Variants in TMEM131 observed in about 807,000 individuals in gnomAD.
The protein encoded by TMEM131 is transmembrane protein 131.
A neutral mutation model predicts 211.6 loss-of-function variants in TMEM131; 66 were observed. That is an observed-to-expected ratio of 0.31 (90% confidence interval 0.26 to 0.38). The LOEUF (loss-of-function observed/expected upper bound fraction) is 0.38, where lower values mean the gene tolerates loss of function less well. TMEM131 is among the 10% of genes least tolerant of loss of function. TMEM131 has a pLI of 1.00. For missense variants in TMEM131, 2,036 were observed against 2,299.3 expected (o/e 0.89, Z 2.34); for synonymous variants, 844 against 841.3 (o/e 1.00, Z -0.06).
Position 97,756,544 on chromosome 2 carries a change from G to A in TMEM131, c.*555C>T, listed in dbSNP as rs924723932. ...CTGAATGTTTTTACATTCATTCACC[G>A]TTCTTAAGTTGACTTACATTTCTGT... On this transcript the variant is annotated 3_prime_UTR_variant, in exon 41 of 41. Transcript: ENST00000186436. 5.3e-5 allele frequency: 8 copies of A among 152,196 alleles called. No homozygotes were observed. The highest frequency in any genetic ancestry group is 2.1e-4 in the South Asian group (1 of 4,832). The allele number at this position is 152,196 out of a possible 1,614,324, so 9.4% of individuals were successfully genotyped here. A position where few individuals can be genotyped will look rare whatever the true frequency, so the allele number is the denominator to read the frequency against.
chr2:97,929,173 A>G (rs1295663792), intron 1 of TMEM131, among the ~76,000 whole-genome samples: 5 of 151,676 alleles, frequency 3.3e-5, no homozygotes, highest in Non-Finnish European at 7.4e-5. Context: ...CGGAAAGTAA[A>G]AAATAGAGAA....
At position 97,908,638 on chromosome 2, in the gene TMEM131, A is replaced by C. The variant is rs371677378; in HGVS notation, c.290+20T>G. ...AGAAGGAACCGAAAGTATGTTAATTATCTTATTAAATATACTTACCTTTTC... is the reference window on the plus strand; with the variant it reads ...AGAAGGAACCGAAAGTATGTTAATTCTCTTATTAAATATACTTACCTTTTC... On this transcript the variant is annotated intron_variant, in intron 3 of 40. Coordinates refer to ENST00000186436, the MANE Select transcript of TMEM131 (RefSeq NM_015348.2). 1 of 1,577,672 alleles carries C rather than the reference A, an allele frequency of 6.3e-7. No individual in the cohort carries two copies. The highest frequency in any genetic ancestry group is 2.2e-5 in the East Asian group (1 of 44,460).
At chr2:97,855,463 G>T (rs1673802805) in intron 5 of TMEM131, among the ~76,000 whole-genome samples, 1 of 152,190 alleles carries the variant, frequency 6.6e-6, no homozygotes, top group African/African-American at 2.4e-5. Context: ...ACTTTGGGAG[G>T]CTGAGGCAGG....
intron 24 of TMEM131, 113 bp from the exon 25 acceptor site, chr2:97,802,074 G>A: frequency 1.5e-6 from 1 of 659,914 alleles, no homozygotes; most frequent in Non-Finnish European, 2.5e-6. Flanking sequence ...GTCAGGTTTT[G>A]AGATCAATAT....
At chr2:97,812,795 C>A in intron 15 of TMEM131, 46 bp from the exon 16 acceptor site, 1 of 1,050,554 alleles carries the variant, frequency 9.5e-7, no homozygotes, top group Non-Finnish European at 1.4e-6. Flanking sequence ...TCACATTGAT[C>A]TAACAATATT....
chr2:97,765,988 GCTCTTAGCTGGCAAAGCA>G, intron 35 of TMEM131, 108 bp downstream of exon 35: 5 of 1,214,572 alleles, frequency 4.1e-6, no homozygotes, highest in Non-Finnish European at 5.7e-6. Context: ...TTAACAATGG[GCTCTTAGCTGGCAAAGCA>G]CTGTCAATGG....
At chr2:97,822,107 A>T (rs1682152188) in intron 11 of TMEM131, among the ~76,000 whole-genome samples, 1 of 152,072 alleles carries the variant, frequency 6.6e-6, no homozygotes, top group Non-Finnish European at 1.5e-5. Flanking sequence ...TTCTCCAAGG[A>T]TAGTTCCGCT....
At position 97,841,816 on chromosome 2, in the gene TMEM131, T is replaced by A. The variant is rs1352387855; in HGVS notation, c.722A>T (p.Gln241Leu). The A allele has an allele frequency of 5.7e-6, 9 of 1,586,530 alleles. No homozygotes were observed. Among genetic ancestry groups the A allele is most frequent in the Non-Finnish European group, 6.9e-6 (8 of 1,166,902 alleles). Residue 241 changes from glutamine to leucine, a missense_variant and splice_region_variant, in exon 7 of 41, where the codon CAG becomes CTG. Around this residue, in one of 3 missense-constraint regions of TMEM131, gnomAD observed 277 missense variants for 378.0 expected, o/e 0.73. Transcript: ENST00000186436. ...NIHNPHSEPLQVVEMYSSGGD... is the reference protein window; with the variant it reads ...NIHNPHSEPLLVVEMYSSGGD... Reference sequence around the variant, plus strand: ...TCAAAATTACCATCATAAACTCACCTGTAAAGGCTCACTGTGAGGATTGTG... The same window carrying A: ...TCAAAATTACCATCATAAACTCACCAGTAAAGGCTCACTGTGAGGATTGTG...
Position 97,834,964 on chromosome 2 carries a change from T to C in TMEM131, c.805-39A>G, listed in dbSNP as rs755239681. On this transcript the variant is annotated intron_variant, in intron 8 of 40. Coordinates refer to ENST00000186436, the MANE Select transcript of TMEM131 (RefSeq NM_015348.2). Reference sequence around the variant, plus strand: ...AGACCATAATGTAGCACAGCTTTTGTAATGTAGCAAAACCACCATTTTTTA... The same window carrying C: ...AGACCATAATGTAGCACAGCTTTTGCAATGTAGCAAAACCACCATTTTTTA... The C allele has an allele frequency of 3.1e-6, 5 of 1,608,136 alleles. No homozygotes were observed. In the South Asian group the frequency reaches 5.5e-5, roughly 18 times the overall value.
In TMEM131 at chr2:97,940,571, G is replaced by A. The variant is rs193022245; in HGVS notation, c.188-13084C>T. ...CACCTGTAATCCCAGCACTTTGGGA[G>A]GCCAAGACGGGCGGATCACGAGGTC... On this transcript the variant is annotated intron_variant, in intron 1 of 40. Transcript: ENST00000186436. Among the ~76,000 whole-genome samples, 20 of 152,280 alleles carry A rather than the reference G, an allele frequency of 1.3e-4. No individual in the cohort carries two copies. In the East Asian group the frequency reaches 1.7e-3, roughly 13 times the overall value.
intron 11 of TMEM131, among the ~76,000 whole-genome samples, chr2:97,821,959 A>T (rs1445220626): frequency 6.6e-6 from 1 of 152,108 alleles, no homozygotes; most frequent in African/African-American, 2.4e-5. Context: ...GATCCCGACA[A>T]AAAGTTGGTT....
chr2:97,926,817 T>C (rs1297471184), intron 2 of TMEM131, among the ~76,000 whole-genome samples: 1 of 152,212 alleles, frequency 6.6e-6, no homozygotes, highest in Non-Finnish European at 1.5e-5. Context: ...ACCTGCAACC[T>C]AGATGTCCAG....
intron 4 of TMEM131, among the ~76,000 whole-genome samples, chr2:97,876,536 G>T (rs1467267493): frequency 1.3e-5 from 2 of 152,166 alleles, no homozygotes; most frequent in Admixed American, 1.3e-4. Flanking sequence ...GGGTGGAAAG[G>T]CTGGTTCAAC....
chr2:97,903,903 T>C (rs566558819), intron 3 of TMEM131, among the ~76,000 whole-genome samples: 58 of 152,074 alleles, frequency 3.8e-4, no homozygotes, highest in African/African-American at 1.4e-3. Flanking sequence ...ACTCAGGCAA[T>C]CCACCGCCTC....
At chr2:97,957,103 A>G (rs2104553871) in intron 1 of TMEM131, among the ~76,000 whole-genome samples, 1 of 152,172 alleles carries the variant, frequency 6.6e-6, no homozygotes, top group East Asian at 1.9e-4. Flanking sequence ...TCTCAAAAAA[A>G]AAAAAAAAAG....
At chr2:97,876,646 C>T (rs999806299) in intron 4 of TMEM131, among the ~76,000 whole-genome samples, 1 of 152,204 alleles carries the variant, frequency 6.6e-6, no homozygotes, top group Non-Finnish European at 1.5e-5. Flanking sequence ...CAACAAAATT[C>T]AACACTCCTT....
chr2:97,774,643 C>T (rs1371052316), intron 32 of TMEM131, among the ~76,000 whole-genome samples: 2 of 152,120 alleles, frequency 1.3e-5, no homozygotes, highest in Non-Finnish European at 2.9e-5. Flanking sequence ...GAACACTGGC[C>T]ACTGGGGGCC....
chr2:97,948,788 G>T (rs1678167456), intron 1 of TMEM131, among the ~76,000 whole-genome samples: 1 of 152,014 alleles, frequency 6.6e-6, no homozygotes, highest in South Asian at 2.1e-4. Flanking sequence ...CTCCTAAGTA[G>T]CTGGGACTAC....
At chr2:97,821,672 G>A (rs529353160) in intron 11 of TMEM131, among the ~76,000 whole-genome samples, 5 of 152,302 alleles carry the variant, frequency 3.3e-5, no homozygotes, top group African/African-American at 9.6e-5. Context: ...AGGGACTATC[G>A]CCAAGCAGTG....
Sources: gnomAD v4.1 joint callset for allele counts (sites outside exome capture counted in the v4.1 genomes callset) on GRCh38, gnomAD v4.1.1 for gene constraint, gnomAD v4.1.1 regional missense constraint, MANE v1.5 for transcripts, NCBI Gene and HGNC (gene_info 2026-07-23, HGNC 2026-07-21) for gene names.